Variants in CCNG1 observed in about 807,000 individuals in gnomAD.
CCNG1 encodes the protein cyclin G1, also known as cyclin-G1.
A neutral mutation model predicts 30.0 loss-of-function variants in CCNG1; 13 were observed. The ratio of observed to expected loss-of-function variants is 0.43; its 90% confidence interval spans 0.28 to 0.69. CCNG1 has a LOEUF of 0.69. Ranked by LOEUF, CCNG1 falls within the 30% of genes least tolerant of loss-of-function variation. The probability of loss-of-function intolerance (pLI) is 0.16; values close to 1 mark genes in which losing one functional copy is unlikely to be tolerated. For synonymous variants in CCNG1, 110 were observed against 121.5 expected, an observed-to-expected ratio of 0.91 and a Z score of 0.62; for missense variants, 285 against 331.4, an observed-to-expected ratio of 0.86 and a Z score of 1.09.
chr5:163,439,261 T>C lies in CCNG1; in HGVS notation c.5T>C (p.Ile2Thr). 6.2e-7 allele frequency: 1 copy of C among 1,612,714 alleles called. No individual in the cohort carries two copies. Among genetic ancestry groups the C allele is most frequent in the Non-Finnish European group, 8.5e-7 (1 of 1,179,796 alleles). M[I>T]EVLTTTDSQK... ...GGTCTTTTTTTCTATATATAGATGA[T>C]AGAGGTACTGACAACAACTGACTCT... Residue 2 changes from isoleucine (I) to threonine (T), a missense_variant, in exon 2 of 7, where the codon ATA (isoleucine) becomes ACA (threonine). Physicochemically the swap from Ile to Thr is moderately conservative, Grantham distance 89. Coordinates refer to ENST00000340828, the MANE Select transcript of CCNG1 (RefSeq NM_004060.4).
intron 5 of CCNG1, 96 bp downstream of exon 5, chr5:163,442,239 T>A: frequency 9.0e-7 from 1 of 1,106,294 alleles, no homozygotes; most frequent in South Asian, 1.5e-5. Context: ...ATATGTTTAT[T>A]TGAAACTTAA....
At chr5:163,448,774 C>G (rs1286778135), downstream of CCNG1, 1 of 152,136 alleles carries the variant, frequency 6.6e-6, no homozygotes, top group Non-Finnish European at 1.5e-5. Flanking sequence ...TGTACCATGA[C>G]CAAGTTTGGG....
chr5:163,440,567 T>G (rs1027495083), intron 2 of CCNG1, among the ~76,000 whole-genome samples: 3 of 152,126 alleles, frequency 2.0e-5, no homozygotes, highest in Non-Finnish European at 1.5e-5. Context: ...TTCAGAAAAT[T>G]AAATGATAAA....
intron 5 of CCNG1, 38 bp downstream of exon 5, chr5:163,442,181 G>A: frequency 7.2e-7 from 1 of 1,397,878 alleles, no homozygotes; most frequent in Non-Finnish European, 1.0e-6. Context: ...ATTAACAGCT[G>A]TAAAAGAAAC....
downstream of CCNG1, among the ~76,000 whole-genome samples, chr5:163,445,171 AAT>A (rs769779526): frequency 2.1e-3 from 314 of 152,198 alleles, no homozygotes; most frequent in Non-Finnish European, 4.0e-3. Context: ...CCCTATTAAT[AAT>A]ATGACTATTA....
chr5:163,457,135 A>ATTT, the CCNG1 span: 1 of 1,446,856 alleles, frequency 6.9e-7, no homozygotes, highest in Non-Finnish European at 9.2e-7. Flanking sequence ...TTCTTCATCA[A>ATTT]GTTGTTTTTT....
rs994306640 is a variant in CCNG1, at chr5:163,442,289, G to A, written c.697-85G>A. 14 of 1,191,090 alleles carry A rather than the reference G, an allele frequency of 1.2e-5. No individual in the cohort carries two copies. The African/African-American group carries it at 1.2e-4, about 11-fold the overall frequency. The allele number at this position is 1,191,090 out of a possible 1,614,324, so 73.8% of individuals were successfully genotyped here. The stretch of plus-strand genomic sequence containing the variant: ...ATGTTTTTAATGAGCAAAGACACAT[G>A]TTCATAGGATTGCATTTATTAATGT... On this transcript the variant is annotated intron_variant, in intron 5 of 6. Transcript: ENST00000340828.
At chr5:163,441,994 G>C (rs908891118) in intron 4 of CCNG1, 30 bp downstream of exon 4, 2 of 1,579,698 alleles carry the variant, frequency 1.3e-6, no homozygotes, top group African/African-American at 2.7e-5. Flanking sequence ...TATGCCTATT[G>C]ATATGATCTG....
rs1211739643 is a variant in CCNG1 at position 163,443,633 on chromosome 5, T to C, written c.*4-41T>C. 3 of 1,104,718 alleles carry C rather than the reference T, an allele frequency of 2.7e-6. No individual in the cohort carries two copies. In the South Asian group the frequency reaches 4.1e-5, roughly 15 times the overall value. 68.4% of individuals were successfully genotyped at this position (1,104,718 alleles called of 1,614,324 possible). ...TTAGTAGTATTTAGGCAGACTGGCT[T>C]CTGTTAAGTTGGATTTTGTTTGTTT... On this transcript the variant is annotated intron_variant, in intron 6 of 6. Coordinates refer to ENST00000340828, the MANE Select transcript of CCNG1 (RefSeq NM_004060.4).
chr5:163,452,433 G>A, the CCNG1 span: 1 of 152,102 alleles, frequency 6.6e-6, no homozygotes, highest in Non-Finnish European at 1.5e-5. Flanking sequence ...AGGACACAGA[G>A]GCCACCCAGA....
chr5:163,438,738 A>G (rs1048738551), intron 1 of CCNG1, among the ~76,000 whole-genome samples: 12 of 152,252 alleles, frequency 7.9e-5, no homozygotes, highest in Non-Finnish European at 1.6e-4. Context: ...TCTAAAAAGC[A>G]TGGTTCCGAC....
intron 1 of CCNG1, 148 bp from the exon 2 acceptor site, chr5:163,439,109 A>C (rs1190309799): frequency 3.0e-6 from 2 of 662,698 alleles, no homozygotes; most frequent in Non-Finnish European, 5.2e-6. Context: ...AATAAATAAC[A>C]GATGGCACTT....
intron 2 of CCNG1, 102 bp downstream of exon 2, chr5:163,439,622 G>A: frequency 1.1e-6 from 1 of 945,052 alleles, no homozygotes. Flanking sequence ...TTTTTTTTCA[G>A]CACGTAGCCA....
chr5:163,439,497 G>T lies in CCNG1; in HGVS notation c.241G>T (p.Asp81Tyr), dbSNP rs1757697235. The change falls in exon 2 of 7, where the codon GAC becomes TAC. Residue 81 changes from aspartate (D) to tyrosine (Y), a missense_variant. By Grantham distance (160) the Asp-to-Tyr change is radical. Transcript: ENST00000340828. ...ETFSLAVNLL[D>Y]RFLSKMKVQP... ...ATTTTCTCTAGCTGTGAATTTACTGGACAGATTCCTGTCTAAAATGAAGGT... is the reference window on the plus strand; with the variant it reads ...ATTTTCTCTAGCTGTGAATTTACTGTACAGATTCCTGTCTAAAATGAAGGT... 1.2e-6 allele frequency: 2 copies of T among 1,613,442 alleles called. No individual in the cohort carries two copies. Among genetic ancestry groups the T allele is most frequent in the Non-Finnish European group, 1.7e-6 (2 of 1,179,630 alleles).
At chr5:163,452,553 T>TA in the CCNG1 span, 13 of 152,280 alleles carry the variant, frequency 8.5e-5, 1 homozygote, top group South Asian at 1.9e-3. Flanking sequence ...AGAGATACGA[T>TA]AAATTTAAAG....
Position 163,442,046 on chromosome 5 carries a change from CT to C in CCNG1, c.601del (p.Ser201LeufsTer10). On this transcript the variant is annotated frameshift_variant and splice_region_variant, in exon 5 of 7. Coordinates refer to ENST00000340828, the MANE Select transcript of CCNG1 (RefSeq NM_004060.4). LOFTEE classifies it high-confidence loss of function. ...HCRIIFSKAK[P>X]SVLALSIIAL... ...TTACTTTAAATTTATCTCTTTTAGC[CT>C]TCTGTGTTGGCATTGTCTATCATTG... 1.2e-6 allele frequency: 2 copies of C among 1,609,794 alleles called. No individual in the cohort carries two copies. The highest frequency in any genetic ancestry group is 1.7e-6 in the Non-Finnish European group (2 of 1,176,610).
At chr5:163,455,351 A>C in the CCNG1 span, among the ~76,000 whole-genome samples, 9 of 152,340 alleles carry the variant, frequency 5.9e-5, no homozygotes, top group South Asian at 1.9e-3. Flanking sequence ...AATCACTAAG[A>C]GGGATAGCTG....
chr5:163,455,633 G>A, the CCNG1 span, among the ~76,000 whole-genome samples: 3 of 151,922 alleles, frequency 2.0e-5, no homozygotes, highest in Admixed American at 6.6e-5. Flanking sequence ...GCGTGGTGGC[G>A]GGAGCCTACA....
intron 2 of CCNG1, 32 bp from the exon 3 acceptor site, chr5:163,441,046 T>C (rs1247167530): frequency 6.3e-7 from 1 of 1,592,636 alleles, no homozygotes; most frequent in Non-Finnish European, 8.5e-7. Context: ...GGTAGAGTCA[T>C]GGGCTTACTG....
Sources: allele counts gnomAD v4.1 joint callset (sites outside exome capture counted in the v4.1 genomes callset), GRCh38; gene constraint gnomAD v4.1.1; transcripts MANE v1.5; gene names NCBI Gene and HGNC (gene_info 2026-07-23, HGNC 2026-07-21).